NTRK2: variants seen among roughly 807,000 people sequenced by gnomAD.
The protein encoded by NTRK2 is neurotrophic receptor tyrosine kinase 2.
Under a neutral mutation model 94.5 loss-of-function variants are expected in NTRK2, and 13 were observed. That is an observed-to-expected ratio of 0.14 (90% CI 0.09 to 0.22). The LOEUF is 0.22. Among genes scored for constraint, NTRK2 ranks in the 10% least tolerant of loss-of-function variants. NTRK2 has a pLI of 1.00. For synonymous variants in NTRK2, 372 were observed against 407.4 expected, an observed-to-expected ratio of 0.91 and a Z score of 1.05; for missense variants, 639 against 1,071.2, an observed-to-expected ratio of 0.60 and a Z score of 5.63.
chr9:84,673,265 G>A (rs1305099290), intron 2 of NTRK2, among the ~76,000 whole-genome samples: 1 of 152,082 alleles, frequency 6.6e-6, no homozygotes, highest in Non-Finnish European at 1.5e-5. Context: ...CAGTGGATGC[G>A]CTTGTTTCAC....
At chr9:84,991,455 A>G (rs1006080582) in intron 17 of NTRK2, among the ~76,000 whole-genome samples, 6 of 152,162 alleles carry the variant, frequency 3.9e-5, no homozygotes, top group Admixed American at 6.5e-5. Context: ...TTATCTGTCC[A>G]GTGGCACATT....
intron 14 of NTRK2, among the ~76,000 whole-genome samples, chr9:84,912,488 C>G (rs545840333): frequency 3.4e-4 from 50 of 148,556 alleles, no homozygotes; most frequent in Non-Finnish European, 6.3e-4. Context: ...TCATATCCCT[C>G]TCTCTCTCTC....
chr9:84,920,219 C>T (rs1326421017), intron 14 of NTRK2, among the ~76,000 whole-genome samples: 2 of 152,002 alleles, frequency 1.3e-5, no homozygotes, highest in Non-Finnish European at 2.9e-5. Flanking sequence ...TTTTTTTTCT[C>T]TTTACAAATA....
intron 12 of NTRK2, among the ~76,000 whole-genome samples, chr9:84,797,649 TA>T (rs559768416): frequency 0.018 from 891 of 49,980 alleles, 20 homozygotes; most frequent in Admixed American, 0.048. Context: ...TATACTATAA[TA>T]ATATATATAT....
At position 84,887,155 on chromosome 9, in the gene NTRK2, T is replaced by C. The variant is rs144690454; in HGVS notation, c.1633+19724T>C. Reference sequence around the variant, plus strand: ...ATCCGAAAAAAAAGAAATCAATGATTTGTGGCAGTTCTTCGTGCATTTTAT... The same window carrying C: ...ATCCGAAAAAAAAGAAATCAATGATCTGTGGCAGTTCTTCGTGCATTTTAT... On this transcript the variant is annotated intron_variant, in intron 14 of 18. Transcript: ENST00000277120. 5.3e-5 allele frequency among the ~76,000 whole-genome samples: 8 copies of C among 152,328 alleles called. No individual in the cohort carries two copies. In the East Asian group the frequency reaches 9.6e-4, roughly 18 times the overall value.
intron 12 of NTRK2, among the ~76,000 whole-genome samples, chr9:84,789,607 A>T (rs997856963): frequency 6.6e-6 from 1 of 152,262 alleles, no homozygotes; most frequent in Non-Finnish European, 1.5e-5. Context: ...GACTTGTTAA[A>T]ATCAGCCTGG....
intron 12 of NTRK2, among the ~76,000 whole-genome samples, chr9:84,830,061 A>T (rs1405334668): frequency 6.6e-6 from 1 of 152,202 alleles, no homozygotes; most frequent in African/African-American, 2.4e-5. Flanking sequence ...TATGGTGGAC[A>T]TCTATCACCT....
chr9:84,675,584 T>C (rs954802920), intron 2 of NTRK2, among the ~76,000 whole-genome samples: 1 of 152,086 alleles, frequency 6.6e-6, no homozygotes, highest in African/African-American at 2.4e-5. Flanking sequence ...CTGATGCCTG[T>C]AATCAATAGG....
intron 6 of NTRK2, among the ~76,000 whole-genome samples, chr9:84,721,088 C>T (rs2131982462): frequency 6.6e-6 from 1 of 152,172 alleles, no homozygotes; most frequent in East Asian, 1.9e-4. Context: ...GTAATTAATA[C>T]CATTTTAAAT....
intron 12 of NTRK2, among the ~76,000 whole-genome samples, chr9:84,803,744 G>A (rs538868317): frequency 1.3e-5 from 2 of 152,296 alleles, no homozygotes; most frequent in South Asian, 4.1e-4. Context: ...GCAGAGTTGG[G>A]TAATTCATGT....
intron 12 of NTRK2, among the ~76,000 whole-genome samples, chr9:84,765,321 T>C (rs1261101090): frequency 6.6e-6 from 1 of 152,092 alleles, no homozygotes; most frequent in East Asian, 1.9e-4. Flanking sequence ...ACCCCATAAA[T>C]ATGTACACCC....
intron 4 of NTRK2, among the ~76,000 whole-genome samples, chr9:84,703,645 A>G (rs1024805693): frequency 3.9e-5 from 6 of 152,200 alleles, no homozygotes; most frequent in Non-Finnish European, 5.9e-5. Context: ...TGTTGATATT[A>G]TGGAAAATAT....
chr9:84,821,349 C>T (rs531481199), intron 12 of NTRK2, among the ~76,000 whole-genome samples: 1 of 145,632 alleles, frequency 6.9e-6, no homozygotes, highest in East Asian at 2.0e-4. Context: ...ACACACACCC[C>T]TATGGAATAG....
At chr9:84,931,019 A>T (rs2078006985) in intron 14 of NTRK2, among the ~76,000 whole-genome samples, 1 of 152,156 alleles carries the variant, frequency 6.6e-6, no homozygotes, top group African/African-American at 2.4e-5. Context: ...TTTCACAGAT[A>T]TTTATAAATC....
chr9:84,954,712 A>T (rs901850188), intron 16 of NTRK2, among the ~76,000 whole-genome samples: 11 of 152,210 alleles, frequency 7.2e-5, no homozygotes, highest in African/African-American at 2.4e-4. Context: ...GCCTGGCCAC[A>T]GATCAGGTGG....
intron 12 of NTRK2, among the ~76,000 whole-genome samples, chr9:84,776,465 G>A (rs1210389783): frequency 2.6e-5 from 4 of 152,070 alleles, no homozygotes; most frequent in Non-Finnish European, 4.4e-5. Context: ...CAAGTGATCC[G>A]CCCACCTTGG....
At chr9:84,844,145 T>C (rs538448703) in intron 12 of NTRK2, among the ~76,000 whole-genome samples, 26 of 152,118 alleles carry the variant, frequency 1.7e-4, no homozygotes, top group Non-Finnish European at 5.9e-5. Context: ...AGGAAGAGGA[T>C]CCTAGTGGCA....
chr9:85,011,103 T>C (rs577723923), intron 17 of NTRK2, among the ~76,000 whole-genome samples: 2 of 152,116 alleles, frequency 1.3e-5, no homozygotes, highest in East Asian at 1.9e-4. Context: ...AAGGTTTGCA[T>C]TGGAAATGGA....
intron 12 of NTRK2, among the ~76,000 whole-genome samples, chr9:84,786,552 A>G (rs1315206108): frequency 6.6e-6 from 1 of 152,148 alleles, no homozygotes; most frequent in African/African-American, 2.4e-5. Context: ...AAAATAGGAT[A>G]TGTTGTTTTC....
Sources: allele counts gnomAD v4.1 joint callset (sites outside exome capture counted in the v4.1 genomes callset), GRCh38; gene constraint gnomAD v4.1.1; transcripts MANE v1.5; gene names NCBI Gene and HGNC (gene_info 2026-07-23, HGNC 2026-07-21).